The following FREM2 variants were observed in gnomAD, a reference collection of about 807,000 sequenced individuals.
FREM2 encodes FRAS1 related extracellular matrix 2, also known as FRAS1-related extracellular matrix protein 2.
Under a neutral mutation model 219.9 loss-of-function variants are expected in FREM2, and 119 were observed. The ratio of observed to expected loss-of-function variants is 0.54; its 90% CI spans 0.47 to 0.63. The LOEUF (loss-of-function observed/expected upper bound fraction) is 0.63, where lower values mean the gene tolerates loss of function less well. FREM2 is among the 30% of genes least tolerant of loss of function. The pLI is 0.00. For missense variants in FREM2, 4,030 were observed against 3,993.6 expected (o/e 1.01, Z -0.25); for synonymous variants, 1,562 against 1,522.8 (o/e 1.03, Z -0.60).
At chr13:38,859,224 G>A in intron 13 of FREM2, 63 bp from the exon 14 acceptor site, 1 of 1,525,036 alleles carries the variant, frequency 6.6e-7, no homozygotes, top group South Asian at 1.1e-5. Flanking sequence ...GCAGAGAACG[G>A]GAGAAGAATG....
At chr13:38,751,268 G>A (rs1872749029) in intron 2 of FREM2, among the ~76,000 whole-genome samples, 1 of 148,360 alleles carries the variant, frequency 6.7e-6, no homozygotes, top group South Asian at 2.1e-4. Context: ...CATCAACAGT[G>A]TACAGCAATT....
intron 13 of FREM2, among the ~76,000 whole-genome samples, chr13:38,859,054 A>C (rs1246762170): frequency 6.6e-6 from 1 of 152,238 alleles, no homozygotes; most frequent in Non-Finnish European, 1.5e-5. Flanking sequence ...TATGGTATAA[A>C]TAACAATTTT....
intron 2 of FREM2, among the ~76,000 whole-genome samples, chr13:38,713,696 A>G (rs1489850486): frequency 1.3e-5 from 2 of 152,214 alleles, no homozygotes; most frequent in Admixed American, 1.3e-4. Flanking sequence ...TCCCCAAAGT[A>G]TAATTTCATG....
chr13:38,872,641 C>G (rs980126057), intron 16 of FREM2, 101 bp from the exon 17 acceptor site: 8 of 952,300 alleles, frequency 8.4e-6, no homozygotes, highest in Non-Finnish European at 1.3e-5. Flanking sequence ...AATGATTACT[C>G]AAAATCTTCA....
At chr13:38,853,663 T>A (rs1225001249) in intron 11 of FREM2, among the ~76,000 whole-genome samples, 1 of 152,248 alleles carries the variant, frequency 6.6e-6, no homozygotes, top group Non-Finnish European at 1.5e-5. Context: ...TGGTTATAAT[T>A]TGATGAACTA....
chr13:38,704,972 C>T (rs1870482255), intron 2 of FREM2, among the ~76,000 whole-genome samples: 1 of 152,156 alleles, frequency 6.6e-6, no homozygotes, highest in African/African-American at 2.4e-5. Flanking sequence ...TCACCTCTCA[C>T]CAGGTTTCTC....
intron 6 of FREM2, among the ~76,000 whole-genome samples, chr13:38,826,842 A>G (rs1876306996): frequency 6.6e-6 from 1 of 152,112 alleles, no homozygotes; most frequent in African/African-American, 2.4e-5. Flanking sequence ...AGCAGTGACA[A>G]TTTTAAAGGT....
At chr13:38,822,913 T>A (rs894675737) in intron 6 of FREM2, among the ~76,000 whole-genome samples, 1 of 152,098 alleles carries the variant, frequency 6.6e-6, no homozygotes, top group Non-Finnish European at 1.5e-5. Context: ...CACAATGATT[T>A]TGTCATGTGT....
At position 38,880,950 on chromosome 13, in the gene FREM2, C is replaced by CT; in HGVS notation, c.*169dup. 1 of 889,044 alleles carries CT rather than the reference C, an allele frequency of 1.1e-6. No homozygotes were observed. The highest frequency in any genetic ancestry group is 1.5e-5 in the South Asian group (1 of 65,452). The allele number at this position is 889,044 out of a possible 1,614,324, so 55.1% of individuals were successfully genotyped here. On this transcript the variant is annotated 3_prime_UTR_variant, in exon 24 of 24. Coordinates refer to ENST00000280481, the MANE Select transcript of FREM2 (RefSeq NM_207361.6). ...GAGTTTGATTTGAATTCTCCATACTCTTTTTTGCATCAAAGGACAAATTAA... is the reference window on the plus strand; with the variant it reads ...GAGTTTGATTTGAATTCTCCATACTCTTTTTTTGCATCAAAGGACAAATTAA...
chr13:38,738,976 A>G (rs1034278071), intron 2 of FREM2, among the ~76,000 whole-genome samples: 1 of 152,224 alleles, frequency 6.6e-6, no homozygotes, highest in African/African-American at 2.4e-5. Flanking sequence ...AACTTTCCTA[A>G]TGCCTAGTTT....
chr13:38,876,138 T>A lies in FREM2; in HGVS notation c.8398T>A (p.Ser2800Thr), dbSNP rs776680146. The A allele has an allele frequency of 1.9e-6, 3 of 1,614,044 alleles. No homozygotes were observed. The East Asian group carries it at 6.7e-5, about 36-fold the overall frequency. The change falls in exon 19 of 24, where the codon TCT becomes ACT. Residue 2800 changes from serine (S) to threonine (T), a missense_variant. Transcript: ENST00000280481. ...NQPVQQWSFV[S>T]DFAVRDYSGT... ...GCCAGTACAGCAGTGGAGCTTTGTC[T>A]CTGACTTTGCCGTAAGTGACTAAGA...
At chr13:38,728,303 G>A (rs1331361113) in intron 2 of FREM2, among the ~76,000 whole-genome samples, 1 of 152,096 alleles carries the variant, frequency 6.6e-6, no homozygotes, top group African/African-American at 2.4e-5. Context: ...TAAAACTCTA[G>A]GGCTGAGTAT....
At chr13:38,851,349 T>A (rs1004864247) in intron 10 of FREM2, among the ~76,000 whole-genome samples, 2 of 152,208 alleles carry the variant, frequency 1.3e-5, no homozygotes, top group Non-Finnish European at 2.9e-5. Context: ...ACATCCATAC[T>A]GGCCCTCTAC....
At chr13:38,828,546 A>C (rs1876381884) in intron 6 of FREM2, among the ~76,000 whole-genome samples, 1 of 151,938 alleles carries the variant, frequency 6.6e-6, no homozygotes. Flanking sequence ...CAGCTATACA[A>C]AAATAAAAAG....
intron 2 of FREM2, among the ~76,000 whole-genome samples, chr13:38,745,382 C>T (rs1421528928): frequency 1.3e-5 from 2 of 152,118 alleles, no homozygotes; most frequent in Non-Finnish European, 2.9e-5. Context: ...TTTACTTGAA[C>T]TTCTATCCCA....
chr13:38,851,268 C>T (rs1025890860), intron 10 of FREM2, among the ~76,000 whole-genome samples, 160 bp downstream of exon 10: 2 of 152,092 alleles, frequency 1.3e-5, no homozygotes, highest in South Asian at 2.1e-4. Flanking sequence ...AAATGGGGAA[C>T]AAAATAAACC....
chr13:38,726,940 A>G (rs1871552764), intron 2 of FREM2, among the ~76,000 whole-genome samples: 1 of 152,224 alleles, frequency 6.6e-6, no homozygotes, highest in African/African-American at 2.4e-5. Flanking sequence ...TAAAACTGCC[A>G]AGTTGCCAGG....
intron 8 of FREM2, among the ~76,000 whole-genome samples, chr13:38,849,206 A>G (rs1202675402): frequency 6.6e-6 from 1 of 152,158 alleles, no homozygotes; most frequent in Admixed American, 6.6e-5. Context: ...TCTCCTCCTG[A>G]TGATTTTGAT....
chr13:38,694,868 C>T (rs1313174979), intron 1 of FREM2, among the ~76,000 whole-genome samples: 1 of 152,074 alleles, frequency 6.6e-6, no homozygotes, highest in Non-Finnish European at 1.5e-5. Context: ...TTTTTCTTCC[C>T]TACAATAAGT....
Sources: gnomAD v4.1 joint callset for allele counts (sites outside exome capture counted in the v4.1 genomes callset) on GRCh38, gnomAD v4.1.1 for gene constraint, MANE v1.5 for transcripts, NCBI Gene and HGNC (gene_info 2026-07-23, HGNC 2026-07-21) for gene names.